Variants in ADAMTS7 observed in about 807,000 individuals in gnomAD.
ADAMTS7 encodes ADAM metallopeptidase with thrombospondin type 1 motif 7.
In ADAMTS7, 89 loss-of-function variants were observed where a neutral mutation model predicts 172.6. The ratio of observed to expected loss-of-function variants is 0.52; its 90% CI spans 0.43 to 0.61. ADAMTS7 has a LOEUF of 0.61. Among genes scored for constraint, ADAMTS7 ranks in the 20% least tolerant of loss-of-function variants. The pLI, the probability that ADAMTS7 is intolerant of heterozygous loss-of-function variation, is 0.00. For synonymous variants in ADAMTS7, 885 were observed against 978.4 expected, an observed-to-expected ratio of 0.90 and a Z score of 1.78; for missense variants, 1,973 against 2,355.6, an observed-to-expected ratio of 0.84 and a Z score of 3.36.
At chr15:78,790,510 C>T (rs1178150637) in intron 6 of ADAMTS7, among the ~76,000 whole-genome samples, 160 bp downstream of exon 6, 1 of 152,172 alleles carries the variant, frequency 6.6e-6, no homozygotes, top group African/African-American at 2.4e-5. Context: ...AAAGACCTCC[C>T]CAAGTGCGGA....
rs183799969 is a variant in ADAMTS7 at position 78,797,391 on chromosome 15, T to C, written c.622+557A>G. 4.2e-3 allele frequency among the ~76,000 whole-genome samples: 647 copies of C among 152,388 alleles called. 2 individuals carry two copies. The highest frequency in any genetic ancestry group is 0.014 in the African/African-American group (599 of 41,596). On this transcript the variant is annotated intron_variant, in intron 3 of 23. Transcript: ENST00000388820. ...TACCAGAGCTGTGGGCAGCCTGAGA[T>C]TGGCTTGCTAGCCAAGCATTCCCCA... is the stretch of plus-strand genomic sequence containing the variant.
chr15:78,765,266 A>C (rs1326786424), intron 19 of ADAMTS7, among the ~76,000 whole-genome samples: 1 of 152,282 alleles, frequency 6.6e-6, no homozygotes, highest in Non-Finnish European at 1.5e-5. Flanking sequence ...GGGTGGAGCC[A>C]CTGAGGGCAG....
chr15:78,806,127 CAAA>C lies in ADAMTS7; in HGVS notation c.100+4991_100+4993del, dbSNP rs1169680816. ...ACACACACACACACACACACACACACAAAAAAAAAAAAAAAAAAAAAAAAAAAA... is the reference window on the plus strand; with the variant it reads ...ACACACACACACACACACACACACACAAAAAAAAAAAAAAAAAAAAAAAAA... On this transcript the variant is annotated intron_variant, in intron 1 of 23. Coordinates refer to ENST00000388820, the MANE Select transcript of ADAMTS7 (RefSeq NM_014272.5). 9.9e-3 allele frequency among the ~76,000 whole-genome samples: 230 copies of C among 23,154 alleles called. 1 individual carries two copies. Among genetic ancestry groups the C allele is most frequent in the Middle Eastern group, 0.045 (1 of 22 alleles). The allele number at this position is 23,154 out of a possible 152,430, so 15.2% of individuals were successfully genotyped here. A position where few individuals can be genotyped will look rare whatever the true frequency, so the allele number is the denominator to read the frequency against.
chr15:78,791,772 C>T (rs1056049920), intron 4 of ADAMTS7, among the ~76,000 whole-genome samples: 3 of 152,178 alleles, frequency 2.0e-5, no homozygotes, highest in African/African-American at 7.2e-5. Flanking sequence ...GCCCACTGCT[C>T]TGCTATTCCA....
In ADAMTS7 at chr15:78,765,777, A is replaced by G. The variant is rs1345542700; in HGVS notation, c.4134T>C (p.Ala1378=). Residue 1378 remains alanine (A), a synonymous_variant, in exon 19 of 24, where the codon GCT becomes GCC. Transcript: ENST00000388820. ...PLSSRLLSTP[A]WDSPANSHRV... ...TGTGGCTGTTGGCGGGGCTGTCCCA[A>G]GCTGGTGTGGACAGCAGCCTAGAGC... 2 of 1,609,062 alleles carry G rather than the reference A, an allele frequency of 1.2e-6. No homozygotes were observed. Among genetic ancestry groups the G allele is most frequent in the Non-Finnish European group, 1.7e-6 (2 of 1,179,440 alleles).
At chr15:78,806,401 G>C (rs1351689053) in intron 1 of ADAMTS7, among the ~76,000 whole-genome samples, 1 of 152,126 alleles carries the variant, frequency 6.6e-6, no homozygotes, top group Non-Finnish European at 1.5e-5. Context: ...AAGTAAGAAA[G>C]GGCAACAAGA....
chr15:78,786,096 ATTTTTG>A, intron 8 of ADAMTS7, among the ~76,000 whole-genome samples: 1 of 150,488 alleles, frequency 6.6e-6, no homozygotes, highest in Non-Finnish European at 1.5e-5. Context: ...CACCTGGCTA[ATTTTTG>A]TATTTTCAGT....
chr15:78,777,214 C>T (rs1464414440), intron 9 of ADAMTS7: 8 of 634,564 alleles, frequency 1.3e-5, no homozygotes, highest in Non-Finnish European at 1.9e-5. Context: ...AGGGACTTGT[C>T]CGAAGGGTCA....
intron 4 of ADAMTS7, among the ~76,000 whole-genome samples, chr15:78,792,424 T>C (rs1327001273): frequency 1.3e-5 from 2 of 152,226 alleles, no homozygotes; most frequent in East Asian, 3.8e-4. Context: ...CCAGACCACC[T>C]GCAGCCTAGC....
chr15:78,777,532 G>A lies in ADAMTS7; in HGVS notation c.1379C>T (p.Pro460Leu), dbSNP rs1334676639. ...DPPAKDIIDFPSVPPGVLYDV... is the reference protein window; with the variant it reads ...DPPAKDIIDFLSVPPGVLYDV... Reference sequence around the variant, plus strand: ...ATAGAGGACGCCAGGTGGCACCGAGGGGAAGTCGATAATGTCCTTGGCAGG... The same window carrying A: ...ATAGAGGACGCCAGGTGGCACCGAGAGGAAGTCGATAATGTCCTTGGCAGG... The change falls in exon 9 of 24, where the codon CCC (proline) becomes CTC (leucine). Residue 460 changes from proline to leucine, a missense_variant. Coordinates refer to ENST00000388820, the MANE Select transcript of ADAMTS7 (RefSeq NM_014272.5). 1 of 1,610,340 alleles carries A rather than the reference G, an allele frequency of 6.2e-7. No homozygotes were observed. The highest frequency in any genetic ancestry group is 8.5e-7 in the Non-Finnish European group (1 of 1,178,490).
intron 11 of ADAMTS7, 152 bp from the exon 12 acceptor site, chr15:78,774,945 A>G: frequency 4.0e-6 from 4 of 991,738 alleles, no homozygotes; most frequent in Non-Finnish European, 5.7e-6. Context: ...TGGGCTGCCC[A>G]CCCTCTGGCC....
chr15:78,788,796 G>A (rs1238855251), intron 7 of ADAMTS7, among the ~76,000 whole-genome samples: 1 of 152,258 alleles, frequency 6.6e-6, no homozygotes, highest in Non-Finnish European at 1.5e-5. Context: ...GATCTGAGCT[G>A]CTGTATCACA....
chr15:78,806,964 G>A (rs1368864277), intron 1 of ADAMTS7, among the ~76,000 whole-genome samples: 3 of 152,052 alleles, frequency 2.0e-5, no homozygotes, highest in Admixed American at 6.6e-5. Context: ...GTAGAGTTTC[G>A]CCATGTTGGC....
intron 5 of ADAMTS7, 38 bp downstream of exon 5, chr15:78,791,102 G>A: frequency 3.1e-6 from 5 of 1,595,512 alleles, no homozygotes; most frequent in Non-Finnish European, 4.3e-6. Context: ...GGCAGCCGAA[G>A]CCATTGCCGG....
At position 78,776,620 on chromosome 15, in the gene ADAMTS7, C is replaced by T. The variant is rs572459475; in HGVS notation, c.1560+129G>A. The T allele has an allele frequency of 1.5e-5, 15 of 1,027,312 alleles. No homozygotes were observed. In the South Asian group the frequency reaches 1.9e-4, roughly 13 times the overall value. 63.6% of individuals were successfully genotyped at this position (1,027,312 alleles called of 1,614,324 possible). ...TCCACTTTGCAGATGGGGGCTTGGG[C>T]TGCAGAGAGCGTGGGGCTCTGCTAG... On this transcript the variant is annotated intron_variant, in intron 10 of 23. Coordinates refer to ENST00000388820, the MANE Select transcript of ADAMTS7 (RefSeq NM_014272.5).
Position 78,811,159 on chromosome 15 carries a change from A to C in ADAMTS7, c.62T>G (p.Leu21Arg). The C allele has an allele frequency of 8.1e-7, 1 of 1,229,912 alleles. No individual in the cohort carries two copies. Among genetic ancestry groups the C allele is most frequent in the Non-Finnish European group, 1.0e-6 (1 of 986,634 alleles). 76.2% of individuals were successfully genotyped at this position (1,229,912 alleles called of 1,614,324 possible). The change falls in exon 1 of 24, where the codon CTC (leucine) becomes CGC (arginine). Residue 21 changes from leucine (L) to arginine (R), a missense_variant. Around this residue, in one of 8 missense-constraint regions of ADAMTS7, gnomAD observed 306 missense variants for 288.0 expected, o/e 1.06. Transcript: ENST00000388820. ...APLLRPLLLL[L>R]CALAPGAPGP... ...GGGGGCGCCGGGAGCCAGAGCGCAG[A>C]GGAGCAGGAGGAGGGGGCGCAGCAA...
intron 7 of ADAMTS7, among the ~76,000 whole-genome samples, chr15:78,789,232 G>A (rs1451797505): frequency 2.6e-5 from 4 of 152,264 alleles, no homozygotes; most frequent in Non-Finnish European, 5.9e-5. Context: ...TCAGGCAGCA[G>A]TGTCAGATAG....
rs2055862948 is a variant in ADAMTS7 at position 78,811,248 on chromosome 15, C to T, written c.-28G>A. 8 of 1,224,062 alleles carry T rather than the reference C, an allele frequency of 6.5e-6. No homozygotes were observed. Among genetic ancestry groups the T allele is most frequent in the South Asian group, 4.1e-5 (1 of 24,262 alleles). The allele number at this position is 1,224,062 out of a possible 1,614,324, so 75.8% of individuals were successfully genotyped here. Reference sequence around the variant, plus strand: ...CAGGAACCGGGCGGCCGCCGGGTGACCCCGCGCGCACGCTCTCGTCCGTCC... The same window carrying T: ...CAGGAACCGGGCGGCCGCCGGGTGATCCCGCGCGCACGCTCTCGTCCGTCC... On this transcript the variant is annotated 5_prime_UTR_variant, in exon 1 of 24. Transcript: ENST00000388820.
rs202156849 is a variant in ADAMTS7 at position 78,768,567 on chromosome 15, CCT to C, written c.2519-310_2519-309del. On this transcript the variant is annotated intron_variant, in intron 16 of 23. Coordinates refer to ENST00000388820, the MANE Select transcript of ADAMTS7 (RefSeq NM_014272.5). The stretch of plus-strand genomic sequence containing the variant: ...TGAGATGCCTGGGCAGCTCATTTGG[CCT>C]CTCTGAACCTCAGTGTCCTCCTCTG... Among the ~76,000 whole-genome samples the C allele has an allele frequency of 1.0e-2, 1,519 of 152,324 alleles. 32 individuals carry two copies. The highest frequency in any genetic ancestry group is 0.034 in the African/African-American group (1,424 of 41,572).
Sources: allele counts gnomAD v4.1 joint callset (sites outside exome capture counted in the v4.1 genomes callset), GRCh38; gene constraint gnomAD v4.1.1; regional missense constraint gnomAD v4.1.1; transcripts MANE v1.5; gene names NCBI Gene and HGNC (gene_info 2026-07-23, HGNC 2026-07-21).